SCN1A: variants seen among roughly 807,000 people sequenced by gnomAD.
The protein encoded by SCN1A is sodium channel protein type 1 subunit alpha.
A neutral mutation model predicts 193.7 loss-of-function variants in SCN1A; 13 were observed. The ratio of observed to expected loss-of-function variants is 0.07; its 90% CI spans 0.04 to 0.11. The LOEUF (loss-of-function observed/expected upper bound fraction) is 0.11. Ranked by LOEUF, SCN1A falls within the 10% of genes least tolerant of loss-of-function variation. The pLI, the probability that SCN1A is intolerant of heterozygous loss-of-function variation, is 1.00. For missense variants in SCN1A, 1,432 were observed against 2,451.1 expected (o/e 0.58, Z 8.78); for synonymous variants, 781 against 843.6 (o/e 0.93, Z 1.29).
intron 17 of SCN1A, 148 bp downstream of exon 17, chr2:166,039,275 A>G: frequency 4.0e-6 from 3 of 753,064 alleles, no homozygotes; most frequent in Admixed American, 2.9e-5. Context: ...ATTTTTTTCC[A>G]TGTAGGAAAA....
chr2:165,991,049 G>A lies in SCN1A; in HGVS notation c.*196C>T. The A allele has an allele frequency of 1.7e-6, 1 of 579,580 alleles. No individual in the cohort carries two copies. The highest frequency in any genetic ancestry group is 3.0e-6 in the Non-Finnish European group (1 of 329,218). The allele number at this position is 579,580 out of a possible 1,614,324, so 35.9% of individuals were successfully genotyped here. On this transcript the variant is annotated 3_prime_UTR_variant, in exon 29 of 29. Coordinates refer to ENST00000674923, the MANE Select transcript of SCN1A (RefSeq NM_001165963.4). ...AGTGAGAACAGTAACCTCCTGTCAA[G>A]GTCATCTCCCCTTTACACAGAGTCA...
At chr2:166,080,191 C>T (rs374452863) in intron 2 of SCN1A, among the ~76,000 whole-genome samples, 27 of 151,658 alleles carry the variant, frequency 1.8e-4, no homozygotes, top group East Asian at 1.4e-3. Context: ...CTTAATTGTC[C>T]TAATTTATGA....
In SCN1A at chr2:166,036,325, A is replaced by G. The variant is rs776055539; in HGVS notation, c.3152T>C (p.Leu1051Pro). 2.2e-5 allele frequency: 35 copies of G among 1,612,696 alleles called. No homozygotes were observed. The South Asian group carries it at 3.3e-4, about 15-fold the overall frequency. ...KQKILDEIKPLDDLNNKKDSC... is the reference protein window; with the variant it reads ...KQKILDEIKPPDDLNNKKDSC... ...GTCTTTCTTGTTGTTTAGATCATCA[A>G]GTGGTTTAATTTCATCTAAAATCTT... Residue 1051 changes from leucine (L) to proline (P), a missense_variant, in exon 19 of 29, where the codon CTT (leucine) becomes CCT (proline). Leu to Pro is a moderately conservative substitution (Grantham distance 98). Around this residue, in one of 18 missense-constraint regions of SCN1A, gnomAD observed 198 missense variants for 225.8 expected, o/e 0.88. Transcript: ENST00000674923.
Position 166,038,040 on chromosome 2 carries a change from G to A in SCN1A, c.2682C>T (p.Thr894=), listed in dbSNP as rs775183692. 3 of 1,614,034 alleles carry A rather than the reference G, an allele frequency of 1.9e-6. No homozygotes were observed. Among genetic ancestry groups the A allele is most frequent in the South Asian group, 2.2e-5 (2 of 91,086 alleles). The change falls in exon 18 of 29, where the codon ACC becomes ACT. Residue 894 remains threonine (T), a synonymous_variant. Transcript: ENST00000674923. ...TGAAGACGATGATGGCCAAGACGAGGGTTAAATTTCCCAGAGCCCCCACGG... is the reference window on the plus strand; with the variant it reads ...TGAAGACGATGATGGCCAAGACGAGAGTTAAATTTCCCAGAGCCCCCACGG... The part of the protein sequence containing the change: ...GNSVGALGNL[T]LVLAIIVFIF...
intron 22 of SCN1A, 120 bp downstream of exon 22, chr2:166,011,989 G>C (rs565470659): frequency 1.2e-6 from 1 of 854,276 alleles, no homozygotes; most frequent in African/African-American, 1.7e-5. Context: ...GCATATATGC[G>C]TTTAGTGGTT....
At chr2:166,126,154 G>A (rs1691221297) in intron 2 of SCN1A, among the ~76,000 whole-genome samples, 1 of 152,108 alleles carries the variant, frequency 6.6e-6, no homozygotes, top group African/African-American at 2.4e-5. Flanking sequence ...CAAGAAATTG[G>A]TTTCCCGTAA....
intron 24 of SCN1A, among the ~76,000 whole-genome samples, chr2:166,001,050 C>T (rs944484908): frequency 6.6e-6 from 1 of 151,658 alleles, no homozygotes; most frequent in African/African-American, 2.4e-5. Flanking sequence ...GTGATATTTA[C>T]AAGTATGGTC....
upstream of SCN1A, among the ~76,000 whole-genome samples, chr2:166,129,938 G>GT: frequency 6.6e-6 from 1 of 152,172 alleles, no homozygotes; most frequent in Non-Finnish European, 1.5e-5. Flanking sequence ...GTCAAAGAGA[G>GT]CCACTACATG....
At chr2:166,020,267 A>G (rs1165778233) in intron 19 of SCN1A, among the ~76,000 whole-genome samples, 2 of 152,092 alleles carry the variant, frequency 1.3e-5, no homozygotes, top group Admixed American at 1.3e-4. Flanking sequence ...TCCTCCCATC[A>G]TTGCGGAAGA....
intron 2 of SCN1A, among the ~76,000 whole-genome samples, chr2:166,084,538 C>T (rs779364555): frequency 1.3e-5 from 2 of 151,814 alleles, no homozygotes; most frequent in Non-Finnish European, 2.9e-5. Context: ...TGCTGTGGGG[C>T]AATAATGGGA....
chr2:166,132,588 G>C (rs948796439), upstream of SCN1A, among the ~76,000 whole-genome samples: 2 of 152,066 alleles, frequency 1.3e-5, no homozygotes, highest in Non-Finnish European at 2.9e-5. Context: ...TTTGCTATTA[G>C]ACAAATAAAT....
intron 14 of SCN1A, among the ~76,000 whole-genome samples, chr2:166,043,211 C>T (rs1408071288): frequency 6.6e-6 from 1 of 152,092 alleles, no homozygotes; most frequent in Non-Finnish European, 1.5e-5. Context: ...AATATGAGTA[C>T]TAGGAGTATT....
intron 5 of SCN1A, among the ~76,000 whole-genome samples, chr2:166,057,031 AG>A (rs1321255642): frequency 2.0e-5 from 3 of 152,208 alleles, no homozygotes; most frequent in African/African-American, 7.2e-5. Flanking sequence ...ATTTTGACTG[AG>A]TTTATACAAG....
chr2:166,138,616 G>A (rs1691958010), intron 1 of SCN1A, among the ~76,000 whole-genome samples: 1 of 152,200 alleles, frequency 6.6e-6, no homozygotes, highest in Non-Finnish European at 1.5e-5. Flanking sequence ...GGAAACGCCT[G>A]GATGCCCAGC....
intron 1 of SCN1A, among the ~76,000 whole-genome samples, chr2:166,134,297 G>A (rs1411843714): frequency 6.6e-6 from 1 of 152,106 alleles, no homozygotes; most frequent in African/African-American, 2.4e-5. Context: ...GTCCATTCAA[G>A]TTTTCCCACA....
At chr2:166,006,602 T>C (rs1436727373) in intron 23 of SCN1A, among the ~76,000 whole-genome samples, 1 of 151,446 alleles carries the variant, frequency 6.6e-6, no homozygotes, top group Non-Finnish European at 1.5e-5. Flanking sequence ...TTCTAACTTT[T>C]TGTTTACAAC....
chr2:166,069,467 A>C (rs1684186415), intron 4 of SCN1A, among the ~76,000 whole-genome samples: 1 of 152,174 alleles, frequency 6.6e-6, no homozygotes, highest in Non-Finnish European at 1.5e-5. Flanking sequence ...GAGGATAAAA[A>C]TATGTGGGCA....
At chr2:166,044,985 C>A in intron 13 of SCN1A, 58 bp downstream of exon 13, 1 of 1,466,536 alleles carries the variant, frequency 6.8e-7, no homozygotes, top group Non-Finnish European at 9.5e-7. Context: ...CTAATTCTCC[C>A]CCTCTCTCCC....
At chr2:166,056,628 CT>C in intron 5 of SCN1A, 128 bp from the exon 6 acceptor site, 1 of 687,798 alleles carries the variant, frequency 1.5e-6, no homozygotes, top group African/African-American at 1.8e-5. Context: ...GTGGGCAAGT[CT>C]TCTAATCTCC....
Sources: gnomAD v4.1 joint callset for allele counts (sites outside exome capture counted in the v4.1 genomes callset) on GRCh38, gnomAD v4.1.1 for gene constraint, gnomAD v4.1.1 regional missense constraint, MANE v1.5 for transcripts, NCBI Gene and HGNC (gene_info 2026-07-23, HGNC 2026-07-21) for gene names.